The following ATP10B variants were observed in gnomAD, a reference collection of about 807,000 sequenced individuals.
The protein encoded by ATP10B is phospholipid-transporting ATPase VB.
Under a neutral mutation model 141.2 loss-of-function variants are expected in ATP10B, and 122 were observed. The ratio of observed to expected loss-of-function variants is 0.86; its 90% CI spans 0.75 to 1.00. The LOEUF (loss-of-function observed/expected upper bound fraction) is 1.00, where lower values mean the gene tolerates loss of function less well. Ranked by LOEUF, ATP10B falls within the 50% of genes least tolerant of loss-of-function variation. The probability of loss-of-function intolerance (pLI) is 0.00; values close to 1 mark genes in which losing one functional copy is unlikely to be tolerated. For synonymous variants in ATP10B, 685 were observed against 692.0 expected, an observed-to-expected ratio of 0.99 and a Z score of 0.16; for missense variants, 1,876 against 1,825.3, an observed-to-expected ratio of 1.03 and a Z score of -0.51.
At chr5:160,740,569 A>C (rs1303002091) in intron 2 of ATP10B, among the ~76,000 whole-genome samples, 1 of 152,292 alleles carries the variant, frequency 6.6e-6, no homozygotes, top group South Asian at 2.1e-4. Flanking sequence ...CTGAAGGGCT[A>C]TTGGGTTCAC....
intron 3 of ATP10B, among the ~76,000 whole-genome samples, chr5:160,691,548 T>C (rs577272725): frequency 1.4e-4 from 22 of 152,216 alleles, no homozygotes; most frequent in Non-Finnish European, 3.2e-4. Flanking sequence ...AGTAGGCTCA[T>C]AGGATAATTT....
the ATP10B span, among the ~76,000 whole-genome samples, chr5:160,910,430 C>T: frequency 4.6e-5 from 7 of 152,180 alleles, no homozygotes; most frequent in African/African-American, 7.2e-5. Context: ...CTGTCAATTT[C>T]GTTTAACGCT....
chr5:160,843,266 A>G (rs1775916564), intron 1 of ATP10B, among the ~76,000 whole-genome samples: 1 of 152,138 alleles, frequency 6.6e-6, no homozygotes, highest in African/African-American at 2.4e-5. Context: ...GGAACTGGTA[A>G]GGGTTAAAGT....
At chr5:160,857,668 A>G in the ATP10B span, among the ~76,000 whole-genome samples, 16,922 of 151,688 alleles carry the variant, frequency 0.11, 1,156 homozygotes, top group East Asian at 0.18. Context: ...CTCTCTTGGC[A>G]TTGCTTTAGC....
chr5:160,892,870 A>G, the ATP10B span, among the ~76,000 whole-genome samples: 1 of 152,178 alleles, frequency 6.6e-6, no homozygotes, highest in African/African-American at 2.4e-5. Flanking sequence ...GGGACCAGTT[A>G]GACAGTTGGT....
At chr5:160,874,576 A>C in the ATP10B span, among the ~76,000 whole-genome samples, 5 of 152,178 alleles carry the variant, frequency 3.3e-5, no homozygotes, top group African/African-American at 1.2e-4. Flanking sequence ...TCAGATGATC[A>C]AATTACTCTG....
chr5:160,874,064 G>A, the ATP10B span, among the ~76,000 whole-genome samples: 34 of 152,220 alleles, frequency 2.2e-4, no homozygotes, highest in Middle Eastern at 6.8e-3. Context: ...GCCTCTGTAG[G>A]CTCCACCACT....
the ATP10B span, among the ~76,000 whole-genome samples, chr5:160,917,860 T>A: frequency 6.6e-6 from 1 of 152,194 alleles, no homozygotes; most frequent in Non-Finnish European, 1.5e-5. Context: ...TGGCTGAGTG[T>A]TCCAAGGAGC....
At chr5:160,800,236 T>C (rs1772286071) in intron 1 of ATP10B, among the ~76,000 whole-genome samples, 2 of 152,228 alleles carry the variant, frequency 1.3e-5, no homozygotes, top group South Asian at 4.1e-4. Flanking sequence ...TGCAACTTAG[T>C]AGCTAAACAA....
At chr5:160,775,698 T>TG in intron 2 of ATP10B, among the ~76,000 whole-genome samples, 1 of 149,556 alleles carries the variant, frequency 6.7e-6, no homozygotes, top group East Asian at 2.0e-4. Context: ...TTTTTTTTTT[T>TG]GAGATGGAGT....
At chr5:160,609,792 G>A (rs933656236) in intron 18 of ATP10B, among the ~76,000 whole-genome samples, 1 of 152,176 alleles carries the variant, frequency 6.6e-6, no homozygotes, top group African/African-American at 2.4e-5. Flanking sequence ...GCCCAGACGG[G>A]CCACAGGAAG....
chr5:160,909,736 T>A, the ATP10B span, among the ~76,000 whole-genome samples: 2 of 152,180 alleles, frequency 1.3e-5, no homozygotes, highest in Non-Finnish European at 2.9e-5. Context: ...AGCAGCTAAG[T>A]GACGATAACG....
rs33964407 is a variant in ATP10B at position 160,797,746 on chromosome 5, AACAC to A, written c.-575-11947_-575-11944del. ...AAAGCTAAGAAAATGCACAAACACA[AACAC>A]ACAGAGAGAGAGAAAGCATTAACAT... On this transcript the variant is annotated intron_variant, in intron 1 of 25. Transcript: ENST00000327245. Among the ~76,000 whole-genome samples the A allele has an allele frequency of 7.6e-3, 1,147 of 151,778 alleles. 17 individuals carry two copies. The highest frequency in any genetic ancestry group is 0.026 in the African/African-American group (1,083 of 41,356).
intron 3 of ATP10B, among the ~76,000 whole-genome samples, chr5:160,704,385 T>A (rs1764856192): frequency 1.3e-5 from 2 of 152,176 alleles, no homozygotes; most frequent in South Asian, 2.1e-4. Context: ...AAAATTTTTT[T>A]ATTTTCTTTT....
intron 7 of ATP10B, among the ~76,000 whole-genome samples, chr5:160,652,424 A>G (rs1760808150): frequency 6.8e-6 from 1 of 146,552 alleles, no homozygotes; most frequent in Non-Finnish European, 1.5e-5. Flanking sequence ...CAAACCTGTC[A>G]GGGTTCTTAT....
intron 2 of ATP10B, among the ~76,000 whole-genome samples, chr5:160,734,106 C>CAAAAA (rs34655958): frequency 2.9e-5 from 2 of 67,922 alleles, no homozygotes; most frequent in Non-Finnish European, 5.5e-5. Flanking sequence ...GACTCCATCT[C>CAAAAA]AAAAAAAAAA....
intron 10 of ATP10B, among the ~76,000 whole-genome samples, chr5:160,637,041 A>ATCCATCCATCCATCCATCC (rs1759449996): frequency 1.8e-5 from 1 of 55,930 alleles, no homozygotes; most frequent in Non-Finnish European, 3.3e-5. Context: ...TCCATCCATG[A>ATCCATCCATCCATCCATCC]ATCCATCCAT....
the ATP10B span, among the ~76,000 whole-genome samples, chr5:160,914,181 G>T: frequency 7.2e-5 from 11 of 152,166 alleles, no homozygotes; most frequent in Non-Finnish European, 1.3e-4. Context: ...TTTATGTTTT[G>T]CCTGGATAGG....
chr5:160,833,541 C>T (rs937764427), intron 1 of ATP10B, among the ~76,000 whole-genome samples: 3 of 152,048 alleles, frequency 2.0e-5, no homozygotes, highest in Non-Finnish European at 4.4e-5. Context: ...CAGCATACAA[C>T]CAAAAATTAT....
Sources: allele counts gnomAD v4.1 joint callset (sites outside exome capture counted in the v4.1 genomes callset), GRCh38; gene constraint gnomAD v4.1.1; transcripts MANE v1.5; gene names NCBI Gene and HGNC (gene_info 2026-07-23, HGNC 2026-07-21).